Variants in ADGRL2 observed in about 807,000 individuals in gnomAD.
The protein encoded by ADGRL2 is adhesion G protein-coupled receptor L2, also known as calcium-independent alpha-latrotoxin receptor 2.
In ADGRL2, 44 loss-of-function variants were observed where a neutral mutation model predicts 157.4. The observed-to-expected ratio is 0.28, with a 90% CI of 0.22 to 0.36. The LOEUF (loss-of-function observed/expected upper bound fraction) is 0.36. Ranked by LOEUF, ADGRL2 falls within the 10% of genes least tolerant of loss-of-function variation. The pLI is 1.00. For synonymous variants in ADGRL2, 585 were observed against 624.7 expected (o/e 0.94, Z 0.95); for missense variants, 1,510 against 1,768.9 (o/e 0.85, Z 2.63).
intron 2 of ADGRL2, among the ~76,000 whole-genome samples, chr1:81,845,649 C>T (rs1163467188): frequency 1.3e-5 from 2 of 150,492 alleles, no homozygotes; most frequent in Non-Finnish European, 3.0e-5. Context: ...CTGCTTTTGC[C>T]AGCTTTTCTG....
intron 2 of ADGRL2, among the ~76,000 whole-genome samples, chr1:81,495,603 A>C (rs1370688313): frequency 6.6e-6 from 1 of 152,172 alleles, no homozygotes; most frequent in African/African-American, 2.4e-5. Flanking sequence ...CATGTGGTAA[A>C]GTGTGTTTTT....
chr1:81,683,069 G>T (rs1413609043), intron 3 of ADGRL2, among the ~76,000 whole-genome samples: 2 of 152,168 alleles, frequency 1.3e-5, no homozygotes, highest in Non-Finnish European at 2.9e-5. Flanking sequence ...GGTGAAGGAG[G>T]TTGCACTAAG....
chr1:81,477,358 T>C (rs927589515), intron 2 of ADGRL2, among the ~76,000 whole-genome samples: 1 of 152,182 alleles, frequency 6.6e-6, no homozygotes, highest in Non-Finnish European at 1.5e-5. Context: ...GAAGAAAACA[T>C]GTATAAATAA....
At chr1:81,988,652 T>C (rs1404564898) in intron 23 of ADGRL2, among the ~76,000 whole-genome samples, 1 of 152,140 alleles carries the variant, frequency 6.6e-6, no homozygotes, top group East Asian at 1.9e-4. Context: ...TTTAAGACAA[T>C]ACAAATCACT....
chr1:81,617,650 C>T (rs1355146424), intron 3 of ADGRL2, among the ~76,000 whole-genome samples: 2 of 152,252 alleles, frequency 1.3e-5, no homozygotes, highest in Non-Finnish European at 2.9e-5. Context: ...TACTTGCACA[C>T]AGAATCTTTT....
intron 20 of ADGRL2, 88 bp from the exon 21 acceptor site, chr1:81,985,171 T>G: frequency 1.5e-6 from 1 of 652,914 alleles, no homozygotes; most frequent in South Asian, 2.3e-5. Context: ...CTACATAGGT[T>G]GTTTAGGGTA....
intron 1 of ADGRL2, among the ~76,000 whole-genome samples, chr1:81,425,827 A>G (rs1249473057): frequency 1.3e-5 from 2 of 152,048 alleles, no homozygotes; most frequent in Non-Finnish European, 2.9e-5. Flanking sequence ...TGACAACCAT[A>G]TAACAAAAGA....
chr1:81,308,526 C>T (rs1353255962), intron 1 of ADGRL2, among the ~76,000 whole-genome samples: 2 of 152,084 alleles, frequency 1.3e-5, no homozygotes, highest in East Asian at 1.9e-4. Context: ...ACTCTGTCAG[C>T]AGTCAAGCTG....
At chr1:81,404,038 C>T (rs555501121) in intron 1 of ADGRL2, among the ~76,000 whole-genome samples, 202 of 151,968 alleles carry the variant, frequency 1.3e-3, no homozygotes, top group African/African-American at 4.2e-3. Context: ...CCTCGTAATC[C>T]GTCCACCTCG....
intron 2 of ADGRL2, among the ~76,000 whole-genome samples, chr1:81,849,639 A>G (rs1370074202): frequency 6.6e-6 from 1 of 151,886 alleles, no homozygotes. Flanking sequence ...AGATTAATCT[A>G]AGTTTGATTT....
intron 2 of ADGRL2, among the ~76,000 whole-genome samples, chr1:81,558,258 G>C (rs1051732988): frequency 6.6e-6 from 1 of 152,038 alleles, no homozygotes; most frequent in African/African-American, 2.4e-5. Context: ...TATGGACATA[G>C]GTTTTTTATA....
At chr1:81,499,815 T>A (rs2078806528) in intron 2 of ADGRL2, among the ~76,000 whole-genome samples, 2 of 152,228 alleles carry the variant, frequency 1.3e-5, no homozygotes, top group Admixed American at 6.5e-5. Context: ...ATATTCACTT[T>A]CATTATTCTT....
At chr1:81,420,210 T>G (rs1168731831) in intron 1 of ADGRL2, among the ~76,000 whole-genome samples, 1 of 152,218 alleles carries the variant, frequency 6.6e-6, no homozygotes, top group Non-Finnish European at 1.5e-5. Flanking sequence ...AGCATTCTAT[T>G]TGATAACATT....
upstream of ADGRL2, among the ~76,000 whole-genome samples, chr1:81,796,916 T>G (rs1005254675): frequency 2.6e-5 from 4 of 152,322 alleles, no homozygotes; most frequent in African/African-American, 9.6e-5. Context: ...GCAGGGAGAA[T>G]AGCTAAAACC....
intron 1 of ADGRL2, among the ~76,000 whole-genome samples, chr1:81,738,331 A>G (rs371358457): frequency 2.2e-4 from 33 of 152,202 alleles, no homozygotes; most frequent in Non-Finnish European, 4.4e-4. Flanking sequence ...TGTTACACTC[A>G]GCAACTATTG....
intron 1 of ADGRL2, among the ~76,000 whole-genome samples, chr1:81,802,172 G>C (rs2088293224): frequency 6.6e-6 from 1 of 151,706 alleles, no homozygotes; most frequent in Non-Finnish European, 1.5e-5. Context: ...CTCCGCGCCT[G>C]TCCCCGCGCG....
rs191507584 is a variant in ADGRL2 at position 81,592,877 on chromosome 1, C to T, written c.-143+11897C>T. Among the ~76,000 whole-genome samples the T allele has an allele frequency of 9.2e-4, 139 of 151,878 alleles. 1 individual carries two copies. The highest frequency in any genetic ancestry group is 1.6e-3 in the Non-Finnish European group (108 of 67,950). ...AAGTATTGGCTGTTGGCTGCCTGGG[C>T]GGGGGAATGGCCCAAGTAAAGCAAT... On this transcript the variant is annotated intron_variant, in intron 3 of 24. Transcript: ENST00000370721.
At chr1:81,553,048 T>A (rs186635182) in intron 2 of ADGRL2, among the ~76,000 whole-genome samples, 1 of 152,284 alleles carries the variant, frequency 6.6e-6, no homozygotes, top group East Asian at 1.9e-4. Flanking sequence ...CCATACTTTT[T>A]CAAAATATGT....
intron 1 of ADGRL2, among the ~76,000 whole-genome samples, chr1:81,354,075 G>A (rs1663106323): frequency 6.6e-6 from 1 of 152,150 alleles, no homozygotes; most frequent in Admixed American, 6.5e-5. Context: ...AAGTAAGAAA[G>A]GGTGGCAATA....
Sources: gnomAD v4.1 joint callset for allele counts (sites outside exome capture counted in the v4.1 genomes callset) on GRCh38, gnomAD v4.1.1 for gene constraint, MANE v1.5 for transcripts, NCBI Gene and HGNC (gene_info 2026-07-23, HGNC 2026-07-21) for gene names.